KCNMA1: variants seen among roughly 807,000 people sequenced by gnomAD.
The protein encoded by KCNMA1 is potassium calcium-activated channel subfamily M alpha 1, also known as Calcium-activated potassium channel subunit alpha-1.
Under a neutral mutation model 140.0 loss-of-function variants are expected in KCNMA1, and 29 were observed. The observed-to-expected ratio is 0.21, with a 90% CI of 0.15 to 0.28. The LOEUF (loss-of-function observed/expected upper bound fraction) is 0.28, where lower values mean the gene tolerates loss of function less well. Ranked by LOEUF, KCNMA1 falls within the 10% of genes least tolerant of loss-of-function variation. The pLI, the probability that KCNMA1 is intolerant of heterozygous loss-of-function variation, is 1.00. For synonymous variants in KCNMA1, 612 were observed against 611.9 expected, an observed-to-expected ratio of 1.00 and a Z score of 0.00; for missense variants, 880 against 1,602.2, an observed-to-expected ratio of 0.55 and a Z score of 7.70.
At chr10:77,307,419 A>G (rs1565877345) in intron 2 of KCNMA1, among the ~76,000 whole-genome samples, 1 of 152,220 alleles carries the variant, frequency 6.6e-6, no homozygotes. Context: ...TTCCTACTTT[A>G]AGTGCAATAT....
At chr10:77,484,065 TTG>T (rs2098434711) in intron 1 of KCNMA1, among the ~76,000 whole-genome samples, 1 of 152,226 alleles carries the variant, frequency 6.6e-6, no homozygotes, top group Admixed American at 6.5e-5. Context: ...CAAAGGCTCT[TTG>T]TGCCTGCAAG....
At chr10:77,564,055 G>A (rs2067306343) in intron 1 of KCNMA1, among the ~76,000 whole-genome samples, 2 of 152,230 alleles carry the variant, frequency 1.3e-5, no homozygotes, top group African/African-American at 4.8e-5. Context: ...ACAGTGCCAG[G>A]CAGTGTGGTA....
At chr10:77,350,874 C>T (rs144195574) in intron 2 of KCNMA1, 1,950 of 152,266 alleles carry the variant, frequency 0.013, 19 homozygotes, top group Non-Finnish European at 0.02. Context: ...GATTGCTCAC[C>T]GGTGACTCAG....
At chr10:76,968,526 T>C (rs957545350) in intron 20 of KCNMA1, among the ~76,000 whole-genome samples, 1 of 152,234 alleles carries the variant, frequency 6.6e-6, no homozygotes. Context: ...TGAAGGAAAG[T>C]GGCTGGGCTT....
chr10:76,966,571 G>GC (rs1296721254), intron 20 of KCNMA1, among the ~76,000 whole-genome samples: 3 of 152,242 alleles, frequency 2.0e-5, no homozygotes, highest in East Asian at 3.9e-4. Flanking sequence ...CAAACTTTGT[G>GC]CCCCCCTAGG....
intron 1 of KCNMA1, among the ~76,000 whole-genome samples, chr10:77,614,332 T>A (rs1014594597): frequency 6.6e-6 from 1 of 151,514 alleles, no homozygotes; most frequent in African/African-American, 2.4e-5. Flanking sequence ...CAGAAAGAAA[T>A]GAAGAAGATG....
intron 1 of KCNMA1, among the ~76,000 whole-genome samples, chr10:77,419,715 T>G (rs2096827664): frequency 6.6e-6 from 1 of 152,220 alleles, no homozygotes; most frequent in African/African-American, 2.4e-5. Context: ...AAAAATAAAT[T>G]GGGCAAACTG....
intron 1 of KCNMA1, among the ~76,000 whole-genome samples, chr10:77,546,782 C>T (rs533970101): frequency 6.6e-6 from 1 of 152,338 alleles, no homozygotes; most frequent in African/African-American, 2.4e-5. Context: ...ACAGATAACC[C>T]AGCCCCAAAG....
intron 1 of KCNMA1, among the ~76,000 whole-genome samples, chr10:77,424,696 G>A (rs2096939238): frequency 6.6e-6 from 1 of 152,210 alleles, no homozygotes; most frequent in Non-Finnish European, 1.5e-5. Context: ...GAGGAAGAGA[G>A]TATGGCAGAG....
intron 5 of KCNMA1, among the ~76,000 whole-genome samples, chr10:77,138,355 C>T (rs1030707790): frequency 2.6e-5 from 4 of 152,176 alleles, no homozygotes; most frequent in African/African-American, 9.7e-5. Context: ...ACCTCATGGG[C>T]TCAAATGATC....
At chr10:77,073,545 G>A (rs1433108362) in intron 13 of KCNMA1, among the ~76,000 whole-genome samples, 1 of 152,072 alleles carries the variant, frequency 6.6e-6, no homozygotes, top group Non-Finnish European at 1.5e-5. Context: ...CAACAGCCTG[G>A]GTTACTAGGA....
At chr10:77,475,116 C>T (rs2098249303) in intron 1 of KCNMA1, among the ~76,000 whole-genome samples, 1 of 152,166 alleles carries the variant, frequency 6.6e-6, no homozygotes, top group Admixed American at 6.5e-5. Flanking sequence ...AGTGCCTCAA[C>T]TTGTCCCCCT....
chr10:76,951,578 C>T (rs1363117757), intron 21 of KCNMA1, among the ~76,000 whole-genome samples: 1 of 152,280 alleles, frequency 6.6e-6, no homozygotes, highest in African/African-American at 2.4e-5. Context: ...TCTCTTATAT[C>T]TTCAAATCCC....
intron 1 of KCNMA1, among the ~76,000 whole-genome samples, chr10:77,587,376 G>A (rs968845012): frequency 1.1e-4 from 17 of 152,098 alleles, no homozygotes; most frequent in African/African-American, 2.9e-4. Flanking sequence ...TTCTCTCCAA[G>A]CATTATAATG....
intron 2 of KCNMA1, among the ~76,000 whole-genome samples, chr10:77,264,702 G>A (rs1305123543): frequency 6.6e-6 from 1 of 152,272 alleles, no homozygotes; most frequent in African/African-American, 2.4e-5. Context: ...AAATTTATAT[G>A]TGAGGAGAAC....
chr10:77,132,521 AAT>A (rs2153990578), intron 5 of KCNMA1, among the ~76,000 whole-genome samples: 1 of 137,514 alleles, frequency 7.3e-6, no homozygotes, highest in East Asian at 3.1e-4. Flanking sequence ...CAGCAGGTTA[AAT>A]TTTTTTTTTT....
At chr10:77,030,039 G>A (rs2093806504) in intron 15 of KCNMA1, among the ~76,000 whole-genome samples, 2 of 152,220 alleles carry the variant, frequency 1.3e-5, no homozygotes, top group African/African-American at 2.4e-5. Flanking sequence ...AAGTGCTGCT[G>A]AAGGCCTCAT....
chr10:77,169,717 A>G (rs947618693), intron 5 of KCNMA1, among the ~76,000 whole-genome samples: 3 of 152,142 alleles, frequency 2.0e-5, no homozygotes, highest in Non-Finnish European at 2.9e-5. Context: ...TGTGCTCCCA[A>G]TCTGGCCAGT....
intron 2 of KCNMA1, among the ~76,000 whole-genome samples, chr10:77,303,574 T>C (rs2077009425): frequency 6.6e-6 from 1 of 152,206 alleles, no homozygotes; most frequent in South Asian, 2.1e-4. Context: ...AACTCATAGA[T>C]GATATAAGTA....
Sources: gnomAD v4.1 joint callset for allele counts (sites outside exome capture counted in the v4.1 genomes callset) on GRCh38, gnomAD v4.1.1 for gene constraint, MANE v1.5 for transcripts, NCBI Gene and HGNC (gene_info 2026-07-23, HGNC 2026-07-21) for gene names.